R3HDM2: variants seen among roughly 807,000 people sequenced by gnomAD.
R3HDM2 encodes R3H domain containing 2, also known as R3H domain-containing protein 2.
R3HDM2 carries 38 observed loss-of-function variants against 124.5 expected under a neutral mutation model. That is an observed-to-expected ratio of 0.31 (90% CI 0.24 to 0.40). The LOEUF (loss-of-function observed/expected upper bound fraction) is 0.40, where lower values mean the gene tolerates loss of function less well. Ranked by LOEUF, R3HDM2 falls within the 10% of genes least tolerant of loss-of-function variation. The pLI, the probability that R3HDM2 is intolerant of heterozygous loss-of-function variation, is 1.00. For synonymous variants in R3HDM2, 391 were observed against 448.0 expected, an observed-to-expected ratio of 0.87 and a Z score of 1.61; for missense variants, 869 against 1,236.9, an observed-to-expected ratio of 0.70 and a Z score of 4.46.
At chr12:57,321,340 C>T (rs1217043506) in intron 2 of R3HDM2, among the ~76,000 whole-genome samples, 2 of 152,158 alleles carry the variant, frequency 1.3e-5, no homozygotes, top group Admixed American at 6.5e-5. Context: ...CCTTACTGTA[C>T]ATACTGAGAC....
intron 3 of R3HDM2, among the ~76,000 whole-genome samples, chr12:57,303,572 C>T (rs1487421616): frequency 1.4e-5 from 2 of 146,988 alleles, no homozygotes; most frequent in African/African-American, 5.1e-5. Flanking sequence ...GGCGAAATCC[C>T]ATCTCTACAA....
chr12:57,409,663 TTC>T (rs1370322149), intron 1 of R3HDM2, among the ~76,000 whole-genome samples: 2 of 152,052 alleles, frequency 1.3e-5, no homozygotes, highest in African/African-American at 4.8e-5. Flanking sequence ...ACCTACAAGC[TTC>T]AGAGATGACA....
At chr12:57,307,879 T>C (rs2053048777) in intron 3 of R3HDM2, among the ~76,000 whole-genome samples, 1 of 151,994 alleles carries the variant, frequency 6.6e-6, no homozygotes, top group Non-Finnish European at 1.5e-5. Flanking sequence ...TACTGCTCCA[T>C]AGGATCCAGG....
chr12:57,323,031 G>A (rs552441602), intron 2 of R3HDM2, among the ~76,000 whole-genome samples: 1 of 152,004 alleles, frequency 6.6e-6, no homozygotes, highest in East Asian at 1.9e-4. Context: ...TATTCTCAAG[G>A]TATAAAGTGT....
At chr12:57,329,314 T>C (rs778626310) in intron 2 of R3HDM2, among the ~76,000 whole-genome samples, 1 of 152,210 alleles carries the variant, frequency 6.6e-6, no homozygotes, top group Non-Finnish European at 1.5e-5. Context: ...AACAATCATG[T>C]TATAGTACAT....
At position 57,258,008 on chromosome 12, in the gene R3HDM2, G is replaced by T. The variant is rs1298262463; in HGVS notation, c.2431C>A (p.Pro811Thr). The T allele has an allele frequency of 6.4e-7, 1 of 1,569,762 alleles. No individual in the cohort carries two copies. The highest frequency in any genetic ancestry group is 8.7e-7 in the Non-Finnish European group (1 of 1,151,018). Residue 811 changes from proline (P) to threonine (T), a missense_variant, in exon 21 of 24, where the codon CCT becomes ACT. Physicochemically the swap from Pro to Thr is conservative, Grantham distance 38 (BLOSUM62 -1). Coordinates refer to ENST00000402412, the MANE Select transcript of R3HDM2 (RefSeq NM_001394031.1). ...PLPVLTQFPR[P>T]GGPAQGDGRY... is the part of the protein sequence containing the mutation. ...CCCCTACCCTGTGCTGGACCCCCAG[G>T]CCGGGGGAACTGTGTGAGGACAGGC...
chr12:57,272,136 G>A (rs2043727655), intron 14 of R3HDM2, among the ~76,000 whole-genome samples: 1 of 152,144 alleles, frequency 6.6e-6, no homozygotes, highest in Admixed American at 6.5e-5. Flanking sequence ...CATGCCTAGG[G>A]AGCAAATTAG....
chr12:57,323,588 T>C (rs2056807740), intron 2 of R3HDM2, among the ~76,000 whole-genome samples: 1 of 152,224 alleles, frequency 6.6e-6, no homozygotes. Flanking sequence ...AGGAACTGGC[T>C]GGTATCCAGA....
Position 57,296,533 on chromosome 12 carries a change from G to A in R3HDM2, c.579C>T (p.Phe193=). The A allele has an allele frequency of 6.4e-7, 1 of 1,551,646 alleles. No individual in the cohort carries two copies. The highest frequency in any genetic ancestry group is 8.7e-7 in the Non-Finnish European group (1 of 1,146,926). ...INDNNNQFKK[F]PQMTSYHRML... The stretch of plus-strand genomic sequence containing the variant: ...TCCGGTGATATGAGGTCATCTGAGG[G>A]AACTTCTTGAACTGATTACTGAAGG... Residue 193 remains phenylalanine, a synonymous_variant, in exon 9 of 24, where the codon TTC becomes TTT. Transcript: ENST00000402412. The surrounding 1 kb of genome is among the most constrained non-coding windows in gnomAD (Gnocchi z 4.5).
At chr12:57,314,973 C>A (rs2054712083) in intron 2 of R3HDM2, among the ~76,000 whole-genome samples, 1 of 152,134 alleles carries the variant, frequency 6.6e-6, no homozygotes, top group Admixed American at 6.5e-5. Flanking sequence ...ATCCTCCTAT[C>A]TCAGCCTCCC....
intron 2 of R3HDM2, among the ~76,000 whole-genome samples, chr12:57,362,274 C>T (rs763418810): frequency 2.5e-4 from 38 of 152,230 alleles, no homozygotes; most frequent in Non-Finnish European, 1.3e-4. Context: ...CTTCAGCCTA[C>T]TTAATGTGAA....
At chr12:57,303,358 G>A (rs1004494666) in intron 3 of R3HDM2, 141 bp from the exon 4 acceptor site, 63 of 719,828 alleles carry the variant, frequency 8.8e-5, no homozygotes, top group Middle Eastern at 2.9e-4. Context: ...ACTTGATGTG[G>A]GTTTCTCCCT....
At chr12:57,342,432 C>T (rs11172171) in intron 2 of R3HDM2, among the ~76,000 whole-genome samples, 4,620 of 152,146 alleles carry the variant, frequency 0.03, 115 homozygotes, top group Non-Finnish European at 0.048. Context: ...GAGATATCAT[C>T]CAGAGCTCTG....
At chr12:57,332,354 A>G (rs1209025209) in intron 2 of R3HDM2, among the ~76,000 whole-genome samples, 2 of 147,038 alleles carry the variant, frequency 1.4e-5, no homozygotes, top group African/African-American at 5.0e-5. Context: ...GGTCAAGGCT[A>G]CAGTGAGCTG....
intron 2 of R3HDM2, among the ~76,000 whole-genome samples, chr12:57,325,476 T>C (rs548934493): frequency 6.6e-6 from 1 of 152,182 alleles, no homozygotes; most frequent in Non-Finnish European, 1.5e-5. Flanking sequence ...CCTGAGATGA[T>C]ACCAGAGTGG....
intron 1 of R3HDM2, among the ~76,000 whole-genome samples, chr12:57,400,107 A>G (rs1011924848): frequency 6.6e-5 from 10 of 152,350 alleles, no homozygotes; most frequent in Middle Eastern, 3.4e-3. Context: ...ATTATAAATC[A>G]TGCTGCTATA....
rs895076510 is a variant in R3HDM2 at position 57,297,517 on chromosome 12, A to G, written c.501-130T>C. On this transcript the variant is annotated intron_variant, in intron 7 of 23. Transcript: ENST00000402412. ...AAAAAGGTATATATCCAAACCCAGT[A>G]ATGAACCATAATGCTGCTAAGCCTC... The G allele has an allele frequency of 1.1e-5, 6 of 555,208 alleles. No individual in the cohort carries two copies. The African/African-American group carries it at 1.2e-4, about 11-fold the overall frequency. The allele number at this position is 555,208 out of a possible 1,614,324, so 34.4% of individuals were successfully genotyped here.
intron 1 of R3HDM2, among the ~76,000 whole-genome samples, chr12:57,425,272 CAA>C (rs372378364): frequency 2.5e-5 from 3 of 120,874 alleles, no homozygotes; most frequent in African/African-American, 3.0e-5. Flanking sequence ...AACTCCGTCT[CAA>C]AAAAAAAAAA....
intron 14 of R3HDM2, chr12:57,272,482 G>A (rs1386584728): frequency 1.3e-6 from 2 of 1,550,632 alleles, no homozygotes; most frequent in African/African-American, 2.7e-5. Context: ...GGAGAGACTG[G>A]CAGAAGGACT....
Sources: gnomAD v4.1 joint callset for allele counts (sites outside exome capture counted in the v4.1 genomes callset) on GRCh38, gnomAD v4.1.1 for gene constraint, Gnocchi (gnomAD v3.1) non-coding constraint, MANE v1.5 for transcripts, NCBI Gene and HGNC (gene_info 2026-07-23, HGNC 2026-07-21) for gene names.